The following SLC39A11 variants were observed in gnomAD, a reference collection of about 807,000 sequenced individuals.
The protein encoded by SLC39A11 is zinc transporter ZIP11.
SLC39A11 carries 33 observed loss-of-function variants against 36.1 expected under a neutral mutation model. The ratio of observed to expected loss-of-function variants is 0.91; its 90% CI spans 0.69 to 1.22. The LOEUF is 1.22. Ranked by LOEUF, SLC39A11 falls within the 50% of genes most tolerant of loss-of-function variation. The probability of loss-of-function intolerance (pLI) is 0.00; values close to 1 mark genes in which losing one functional copy is unlikely to be tolerated. For missense variants in SLC39A11, 432 were observed against 430.3 expected, an observed-to-expected ratio of 1.00 and a Z score of -0.03; for synonymous variants, 166 against 170.3, an observed-to-expected ratio of 0.97 and a Z score of 0.20.
Position 72,667,511 on chromosome 17 carries a change from G to A in SLC39A11, c.672-18243C>T, listed in dbSNP as rs61369129. ...TTGTGTTTTCTTGGCTTCCCAGTATGGATGGCTGAGGGCAAGTGCAGGGTG... is the reference window on the plus strand; with the variant it reads ...TTGTGTTTTCTTGGCTTCCCAGTATAGATGGCTGAGGGCAAGTGCAGGGTG... On this transcript the variant is annotated intron_variant, in intron 7 of 9. Transcript: ENST00000255559. 1.2e-3 allele frequency among the ~76,000 whole-genome samples: 190 copies of A among 152,332 alleles called. 3 individuals are homozygous for A. In the East Asian group the frequency reaches 0.033, roughly 26 times the overall value.
intron 5 of SLC39A11, among the ~76,000 whole-genome samples, chr17:72,889,384 G>A (rs1350801060): frequency 2.6e-5 from 4 of 151,686 alleles, no homozygotes; most frequent in African/African-American, 4.8e-5. Flanking sequence ...GCATGGTGGC[G>A]GGCACCTGTA....
chr17:72,926,991 G>T (rs972115020), intron 5 of SLC39A11, among the ~76,000 whole-genome samples: 1 of 152,134 alleles, frequency 6.6e-6, no homozygotes, highest in Non-Finnish European at 1.5e-5. Flanking sequence ...CAGACACAGA[G>T]CTGTGAAAGA....
intron 5 of SLC39A11, among the ~76,000 whole-genome samples, chr17:72,868,792 A>AATG (rs1172438015): frequency 1.3e-5 from 2 of 152,094 alleles, no homozygotes; most frequent in Non-Finnish European, 2.9e-5. Context: ...TGGGTGACAG[A>AATG]ATGAAACCCT....
intron 5 of SLC39A11, among the ~76,000 whole-genome samples, chr17:72,933,361 G>A (rs1473060923): frequency 2.0e-5 from 3 of 152,158 alleles, no homozygotes; most frequent in Non-Finnish European, 4.4e-5. Context: ...TCTAACCAAC[G>A]GTAGAGTATG....
At chr17:73,059,795 G>A (rs1049696311) in intron 3 of SLC39A11, among the ~76,000 whole-genome samples, 2 of 152,216 alleles carry the variant, frequency 1.3e-5, no homozygotes, top group Non-Finnish European at 1.5e-5. Context: ...TCACCCTAAC[G>A]TAGAATGACA....
chr17:72,912,297 C>A (rs1196620586), intron 5 of SLC39A11, among the ~76,000 whole-genome samples: 1 of 152,054 alleles, frequency 6.6e-6, no homozygotes, highest in East Asian at 1.9e-4. Context: ...CTAGTGCAGT[C>A]CCCACCAAGC....
chr17:72,684,517 C>T (rs932628525), intron 7 of SLC39A11, among the ~76,000 whole-genome samples: 4 of 152,218 alleles, frequency 2.6e-5, no homozygotes, highest in African/African-American at 7.2e-5. Flanking sequence ...GATAACGCAT[C>T]GTGCTTTCCT....
At chr17:72,735,464 G>C (rs1405962235) in intron 7 of SLC39A11, among the ~76,000 whole-genome samples, 2 of 152,248 alleles carry the variant, frequency 1.3e-5, no homozygotes, top group East Asian at 3.9e-4. Context: ...TATTTCCTTG[G>C]GGGAGTCAGG....
chr17:72,932,597 C>T (rs573991345), intron 5 of SLC39A11, among the ~76,000 whole-genome samples: 2 of 152,190 alleles, frequency 1.3e-5, no homozygotes, highest in African/African-American at 4.8e-5. Context: ...CACACCTGAA[C>T]CAAAACATTC....
intron 3 of SLC39A11, among the ~76,000 whole-genome samples, chr17:73,079,215 G>A (rs959110848): frequency 3.3e-5 from 5 of 151,852 alleles, no homozygotes; most frequent in South Asian, 2.1e-4. Context: ...CTCCTGCCTC[G>A]GCTTCCCAAG....
At chr17:72,825,643 G>C (rs1567774897) in intron 6 of SLC39A11, among the ~76,000 whole-genome samples, 1 of 152,238 alleles carries the variant, frequency 6.6e-6, no homozygotes. Flanking sequence ...CAGCCAAGAG[G>C]CTGTACCGCG....
intron 7 of SLC39A11, among the ~76,000 whole-genome samples, chr17:72,698,913 C>T (rs2072455094): frequency 6.6e-6 from 1 of 152,160 alleles, no homozygotes; most frequent in South Asian, 2.1e-4. Context: ...TCACTGCAAG[C>T]TCTGCTTCCT....
intron 4 of SLC39A11, among the ~76,000 whole-genome samples, chr17:73,027,410 G>A (rs1305417486): frequency 2.6e-5 from 4 of 152,078 alleles, no homozygotes; most frequent in Non-Finnish European, 5.9e-5. Flanking sequence ...ACGCCATTTG[G>A]CAAAGTCTCT....
chr17:73,021,107 GT>G (rs2058337794), intron 4 of SLC39A11, among the ~76,000 whole-genome samples: 1 of 152,086 alleles, frequency 6.6e-6, no homozygotes, highest in African/African-American at 2.4e-5. Flanking sequence ...AGCCAGAACT[GT>G]TTATCTAACT....
In SLC39A11 at chr17:72,855,607, A is replaced by T. The variant is rs188774631; in HGVS notation, c.431-5803T>A. Among the ~76,000 whole-genome samples, 520 of 152,132 alleles carry T rather than the reference A, an allele frequency of 3.4e-3. 4 individuals are homozygous for T. Among genetic ancestry groups the T allele is most frequent in the African/African-American group, 0.012 (496 of 41,448 alleles). On this transcript the variant is annotated intron_variant, in intron 5 of 9. Transcript: ENST00000255559. ...ACAAAACCAAAGGCCAATCAAAAGC[A>T]GAATAGAGGCCGGGTGCGGTGGCTC...
chr17:72,833,468 AAGCTTTTCCAGGCAG>A (rs1439062716), intron 6 of SLC39A11, among the ~76,000 whole-genome samples: 1 of 152,226 alleles, frequency 6.6e-6, no homozygotes, highest in Non-Finnish European at 1.5e-5. Flanking sequence ...CAGGGAGGCA[AAGCTTTTCCAGGCAG>A]TGTATTCTAA....
intron 9 of SLC39A11, among the ~76,000 whole-genome samples, chr17:72,648,331 A>T (rs1168762327): frequency 4.6e-4 from 7 of 15,198 alleles, no homozygotes; most frequent in African/African-American, 2.0e-3. Context: ...CTCTGCCATT[A>T]AAAAAAAAAA....
intron 4 of SLC39A11, among the ~76,000 whole-genome samples, chr17:72,997,048 C>A (rs2089560093): frequency 6.6e-6 from 1 of 152,132 alleles, no homozygotes; most frequent in African/African-American, 2.4e-5. Flanking sequence ...AGCTGACCCC[C>A]AGCTGATCCA....
chr17:72,779,848 T>C (rs1269053421), intron 6 of SLC39A11, among the ~76,000 whole-genome samples: 1 of 152,206 alleles, frequency 6.6e-6, no homozygotes, highest in African/African-American at 2.4e-5. Flanking sequence ...CCTGCCCTTA[T>C]AAGGGCCCCT....
Sources: allele counts gnomAD v4.1 joint callset (sites outside exome capture counted in the v4.1 genomes callset), GRCh38; gene constraint gnomAD v4.1.1; transcripts MANE v1.5; gene names NCBI Gene and HGNC (gene_info 2026-07-23, HGNC 2026-07-21).